ARHGAP8: variants seen among roughly 807,000 people sequenced by gnomAD.
The protein encoded by ARHGAP8 is rho GTPase-activating protein 8.
ARHGAP8 carries 62 observed loss-of-function variants against 46.1 expected under a neutral mutation model. The ratio of observed to expected loss-of-function variants is 1.34; its 90% CI spans 1.10 to 1.66. ARHGAP8 has a LOEUF of 1.66. ARHGAP8 is among the 40% of genes most tolerant of loss of function. The pLI, the probability that ARHGAP8 is intolerant of heterozygous loss-of-function variation, is 0.00. For missense variants in ARHGAP8, 923 were observed against 568.4 expected (o/e 1.62, Z -6.34); for synonymous variants, 375 against 243.1 (o/e 1.54, Z -5.05).
Position 44,828,909 on chromosome 22 carries a change from G to A in ARHGAP8, c.596+3316G>A, listed in dbSNP as rs552301011. On this transcript the variant is annotated intron_variant, in intron 7 of 11. Coordinates refer to ENST00000356099, the MANE Select transcript of ARHGAP8 (RefSeq NM_181335.3). ...TCTTTAGCTGGGAGATTCCAGCCACGCCTTTCTCGTCTCTTATCTTATTGT... is the reference window on the plus strand; with the variant it reads ...TCTTTAGCTGGGAGATTCCAGCCACACCTTTCTCGTCTCTTATCTTATTGT... Among the ~76,000 whole-genome samples the A allele has an allele frequency of 2.4e-4, 36 of 151,998 alleles. No individual in the cohort carries two copies. The South Asian group carries it at 4.8e-3, about 20-fold the overall frequency.
At chr22:44,778,090 T>G (rs146998328) in intron 1 of ARHGAP8, among the ~76,000 whole-genome samples, 86 of 152,036 alleles carry the variant, frequency 5.7e-4, no homozygotes, top group African/African-American at 2.0e-3. Context: ...ATGAGTACGT[T>G]CTTTAGTGTT....
At chr22:44,862,218 C>A in intron 11 of ARHGAP8, 57 bp from the exon 12 acceptor site, 1 of 1,533,260 alleles carries the variant, frequency 6.5e-7, no homozygotes, top group Non-Finnish European at 8.8e-7. Context: ...GAGGGAGTTC[C>A]AGGTGCCCGT....
Position 44,786,590 on chromosome 22 carries a change from C to T in ARHGAP8, c.63C>T (p.Gly21=), listed in dbSNP as rs551379439. The change falls in exon 2 of 12, where the codon GGC becomes GGT. Residue 21 remains glycine, a synonymous_variant. Transcript: ENST00000356099. ...SHPFYDVARH[G]ILQVAGDDRF... is the part of the protein sequence containing the mutation. ...CGTTCTACGACGTGGCCAGACATGG[C>T]ATTCTGCAGGTGGCAGGTAGGGCCC... The T allele has an allele frequency of 2.9e-4, 475 of 1,613,286 alleles. 8 individuals are homozygous for T. In the South Asian group the frequency reaches 3.9e-3, roughly 13 times the overall value.
chr22:44,763,797 C>CT (rs1346303144), intron 1 of ARHGAP8, among the ~76,000 whole-genome samples: 6 of 117,210 alleles, frequency 5.1e-5, no homozygotes, highest in Non-Finnish European at 9.1e-5. Context: ...TTTTCTTTTT[C>CT]TTTTCTTTTT....
intron 10 of ARHGAP8, among the ~76,000 whole-genome samples, chr22:44,853,908 T>A (rs1209927768): frequency 6.6e-6 from 1 of 151,204 alleles, no homozygotes; most frequent in East Asian, 2.0e-4. Flanking sequence ...GCACCTGTAA[T>A]CCCAGCTACT....
intron 4 of ARHGAP8, chr22:44,808,841 A>G: frequency 8.2e-6 from 3 of 367,270 alleles, no homozygotes; most frequent in South Asian, 4.1e-5. Flanking sequence ...AAAAACAGAG[A>G]CAGTCTCGCC....
chr22:44,811,039 A>G (rs1929298098), intron 4 of ARHGAP8, among the ~76,000 whole-genome samples: 1 of 152,224 alleles, frequency 6.6e-6, no homozygotes, highest in Non-Finnish European at 1.5e-5. Flanking sequence ...GCACCCGCAG[A>G]TTCCTTGAGG....
intron 8 of ARHGAP8, among the ~76,000 whole-genome samples, chr22:44,846,698 C>T (rs1440825318): frequency 6.6e-6 from 1 of 152,170 alleles, no homozygotes; most frequent in Non-Finnish European, 1.5e-5. Context: ...CTTCTTCACG[C>T]CTCCCCATCA....
rs1238577424 is a variant in ARHGAP8 at position 44,825,468 on chromosome 22, CTG to C, written c.486-13_486-12del. 3 of 1,607,300 alleles carry C rather than the reference CTG, an allele frequency of 1.9e-6. No individual in the cohort carries two copies. In the South Asian group the frequency reaches 3.3e-5, roughly 18 times the overall value. ...CCCCTGCCAGGTGAGATCCCAGCCT[CTG>C]TTGTGTCTACAGGTACGATGAGAAG... On this transcript the variant is annotated splice_polypyrimidine_tract_variant and intron_variant, in intron 6 of 11. Transcript: ENST00000356099.
chr22:44,815,359 C>G (rs1347837632), intron 5 of ARHGAP8, among the ~76,000 whole-genome samples: 1 of 152,150 alleles, frequency 6.6e-6, no homozygotes. Context: ...ACCTCAGCCA[C>G]TCGGTCTCCA....
chr22:44,858,065 A>C (rs913656002), intron 10 of ARHGAP8, among the ~76,000 whole-genome samples: 1 of 152,064 alleles, frequency 6.6e-6, no homozygotes, highest in African/African-American at 2.4e-5. Context: ...ACTCATTTCA[A>C]GGGAATTCCT....
chr22:44,816,467 G>A (rs1459600716), intron 5 of ARHGAP8, among the ~76,000 whole-genome samples: 1 of 151,908 alleles, frequency 6.6e-6, no homozygotes, highest in Non-Finnish European at 1.5e-5. Flanking sequence ...GTCTCTTAAT[G>A]TGACTGGTAC....
chr22:44,802,015 A>G (rs752558004), intron 2 of ARHGAP8, 62 bp from the exon 3 acceptor site: 35 of 1,598,280 alleles, frequency 2.2e-5, no homozygotes, highest in Non-Finnish European at 2.8e-5. Context: ...GCTTTTTGCT[A>G]AGTGCCTGAG....
At chr22:44,773,559 A>T (rs1926196798) in intron 1 of ARHGAP8, among the ~76,000 whole-genome samples, 1 of 152,146 alleles carries the variant, frequency 6.6e-6, no homozygotes, top group Non-Finnish European at 1.5e-5. Context: ...TTGTAAAACT[A>T]TGTGAAATGT....
At chr22:44,754,930 GAA>G (rs956320921) in intron 1 of ARHGAP8, among the ~76,000 whole-genome samples, 8 of 151,944 alleles carry the variant, frequency 5.3e-5, no homozygotes, top group Admixed American at 5.2e-4. Flanking sequence ...ATGAGGGTGA[GAA>G]AGAGATGGAG....
intron 10 of ARHGAP8, among the ~76,000 whole-genome samples, chr22:44,857,332 A>T (rs2070256171): frequency 6.6e-6 from 1 of 152,100 alleles, no homozygotes; most frequent in South Asian, 2.1e-4. Flanking sequence ...AGCCAAGGGT[A>T]CCTCATCCCC....
intron 5 of ARHGAP8, among the ~76,000 whole-genome samples, chr22:44,821,249 T>A (rs535970600): frequency 1.3e-5 from 2 of 151,864 alleles, no homozygotes; most frequent in African/African-American, 2.4e-5. Flanking sequence ...GGCTAACATG[T>A]TGAAACCCCG....
intron 2 of ARHGAP8, among the ~76,000 whole-genome samples, chr22:44,790,228 G>C (rs6007298): frequency 6.6e-6 from 1 of 152,104 alleles, no homozygotes; most frequent in South Asian, 2.1e-4. Context: ...AGTTAATGTC[G>C]TGGCAGTGGG....
intron 7 of ARHGAP8, among the ~76,000 whole-genome samples, chr22:44,833,299 A>T (rs1426773556): frequency 1.3e-5 from 2 of 151,890 alleles, no homozygotes; most frequent in East Asian, 3.9e-4. Context: ...GGGTCTCACT[A>T]TGTTGCCCAG....
Sources: allele counts gnomAD v4.1 joint callset (sites outside exome capture counted in the v4.1 genomes callset), GRCh38; gene constraint gnomAD v4.1.1; transcripts MANE v1.5; gene names NCBI Gene and HGNC (gene_info 2026-07-23, HGNC 2026-07-21).